POLN: variants seen among roughly 807,000 people sequenced by gnomAD.
The protein encoded by POLN is DNA polymerase nu, also known as DNA polymerase N.
In POLN, 108 loss-of-function variants were observed where a neutral mutation model predicts 113.5. The ratio of observed to expected loss-of-function variants is 0.95; its 90% CI spans 0.81 to 1.12. The LOEUF (loss-of-function observed/expected upper bound fraction) is 1.12, where lower values mean the gene tolerates loss of function less well. Ranked by LOEUF, POLN falls within the 50% of genes most tolerant of loss-of-function variation. The pLI is 0.00. For synonymous variants in POLN, 386 were observed against 391.5 expected, an observed-to-expected ratio of 0.99 and a Z score of 0.17; for missense variants, 1,097 against 1,077.1, an observed-to-expected ratio of 1.02 and a Z score of -0.26.
intron 19 of POLN, among the ~76,000 whole-genome samples, chr4:2,096,730 G>GAGAGAGAGAGAGAC (rs1361778474): frequency 6.2e-5 from 9 of 145,664 alleles, no homozygotes; most frequent in African/African-American, 2.3e-4. Flanking sequence ...GAGAGAGAGA[G>GAGAGAGAGAGAGAC]ACACACAGAG....
intron 7 of POLN, among the ~76,000 whole-genome samples, chr4:2,186,714 C>T (rs1733284078): frequency 6.6e-6 from 1 of 152,192 alleles, no homozygotes; most frequent in Admixed American, 6.5e-5. Context: ...AATAGACGTA[C>T]ATTCACAAGA....
chr4:2,229,881 CACA>C (rs571906183), intron 2 of POLN: 33 of 152,168 alleles, frequency 2.2e-4, no homozygotes, highest in African/African-American at 7.2e-4. Flanking sequence ...TACCTAGTAA[CACA>C]ACGATTATAA....
At chr4:2,120,347 A>G (rs886356315) in intron 19 of POLN, among the ~76,000 whole-genome samples, 6 of 152,192 alleles carry the variant, frequency 3.9e-5, no homozygotes, top group Non-Finnish European at 8.8e-5. Context: ...GGGAGAATTG[A>G]CATTATTTGT....
chr4:2,240,305 T>A (rs751481057), intron 2 of POLN: 21 of 1,610,046 alleles, frequency 1.3e-5, no homozygotes, highest in Admixed American at 1.7e-5. Context: ...TATACAAAGT[T>A]AATGCTGCTG....
At chr4:2,151,876 T>C (rs953328198) in intron 16 of POLN, among the ~76,000 whole-genome samples, 4 of 152,170 alleles carry the variant, frequency 2.6e-5, no homozygotes, top group Non-Finnish European at 5.9e-5. Flanking sequence ...TTTGCACAAC[T>C]GGTAGCAATG....
At chr4:2,225,103 A>G (rs1734350103) in intron 3 of POLN, among the ~76,000 whole-genome samples, 1 of 152,190 alleles carries the variant, frequency 6.6e-6, no homozygotes, top group Non-Finnish European at 1.5e-5. Flanking sequence ...ATTATGCAAC[A>G]CATGACTCTC....
intron 19 of POLN, among the ~76,000 whole-genome samples, chr4:2,124,721 G>C (rs972450893): frequency 9.9e-5 from 15 of 152,174 alleles, no homozygotes; most frequent in African/African-American, 3.6e-4. Context: ...GCAGGGCCCA[G>C]GGATGCTGCA....
Position 2,154,198 on chromosome 4 carries a change from C to CAA in POLN, c.1731+2588_1731+2589dup, listed in dbSNP as rs58879582. 1.6e-3 allele frequency among the ~76,000 whole-genome samples: 100 copies of CAA among 63,926 alleles called. 9 individuals are homozygous for CAA. The highest frequency in any genetic ancestry group is 5.7e-3 in the African/African-American group (74 of 12,914). 41.9% of individuals were successfully genotyped at this position (63,926 alleles called of 152,430 possible). ...GGGCGACAGCGAGACTCCATCTCAA[C>CAA]AAAAAAAAAAAAAAAAAAAAAAAAA... On this transcript the variant is annotated intron_variant, in intron 16 of 25. Coordinates refer to ENST00000511885, the MANE Select transcript of POLN (RefSeq NM_181808.4).
At chr4:2,098,281 T>C (rs1730844435) in intron 19 of POLN, among the ~76,000 whole-genome samples, 1 of 152,044 alleles carries the variant, frequency 6.6e-6, no homozygotes, top group Non-Finnish European at 1.5e-5. Context: ...TAGCTGGGCA[T>C]GATGATATGC....
Position 2,157,901 on chromosome 4 carries a change from A to T in POLN, c.1622T>A (p.Ile541Asn). The T allele has an allele frequency of 6.2e-7, 1 of 1,606,612 alleles. No individual in the cohort carries two copies. The highest frequency in any genetic ancestry group is 8.5e-7 in the Non-Finnish European group (1 of 1,174,672). The change falls in exon 15 of 26, where the codon ATC becomes AAC. Residue 541 changes from isoleucine to asparagine, a missense_variant. Coordinates refer to ENST00000511885, the MANE Select transcript of POLN (RefSeq NM_181808.4). ...TAATCCATCTACAAAGGTTGACTTGATCTTGTGAACCTAAGGTGGAAAGAC... is the reference window on the plus strand; with the variant it reads ...TAATCCATCTACAAAGGTTGACTTGTTCTTGTGAACCTAAGGTGGAAAGAC... ...IILEYRQVHK[I>N]KSTFVDGLLA... is the part of the protein sequence containing the mutation.
intron 20 of POLN, among the ~76,000 whole-genome samples, chr4:2,086,996 C>T (rs1368825813): frequency 6.6e-6 from 1 of 152,216 alleles, no homozygotes; most frequent in Non-Finnish European, 1.5e-5. Context: ...CTGGCCCTGG[C>T]CAGCTGATGG....
At chr4:2,072,422 G>A (rs1343167264) in intron 25 of POLN, 123 bp from the exon 26 acceptor site, 4 of 818,080 alleles carry the variant, frequency 4.9e-6, no homozygotes, top group African/African-American at 1.7e-5. Context: ...TACATGATCA[G>A]ACAGCCACAC....
intron 16 of POLN, among the ~76,000 whole-genome samples, chr4:2,141,664 G>A (rs1214402666): frequency 6.6e-6 from 1 of 152,188 alleles, no homozygotes; most frequent in Non-Finnish European, 1.5e-5. Flanking sequence ...CACCCTCCCT[G>A]TGCACCTGGC....
At position 2,128,126 on chromosome 4, in the gene POLN, G is replaced by A. The variant is rs191013817; in HGVS notation, c.1969C>T (p.Leu657=). 4.4e-6 allele frequency: 7 copies of A among 1,594,764 alleles called. No individual in the cohort carries two copies. In the South Asian group the frequency reaches 7.7e-5, roughly 18 times the overall value. Residue 657 remains leucine, a synonymous_variant, in exon 19 of 26, where the codon CTG becomes TTG. Transcript: ENST00000511885. ...ESERDDVFST[L]TSQWKDVPVE... is the part of the protein sequence containing the mutation. ...CATATATCTTACCACTGTGAAGTCAGAGTAGAAAATACATCATCTCTTTCA... is the reference window on the plus strand; with the variant it reads ...CATATATCTTACCACTGTGAAGTCAAAGTAGAAAATACATCATCTCTTTCA...
chr4:2,183,623 G>C (rs56260932), intron 7 of POLN, among the ~76,000 whole-genome samples: 6,095 of 152,178 alleles, frequency 0.04, 165 homozygotes, highest in Middle Eastern at 0.051. Flanking sequence ...CAACTCCAGA[G>C]ACAAAAAACC....
chr4:2,238,664 G>C, intron 2 of POLN: 1 of 1,612,914 alleles, frequency 6.2e-7, no homozygotes, highest in East Asian at 2.2e-5. Context: ...TTGAGAAACT[G>C]ATGGATCTGT....
intron 23 of POLN, chr4:2,076,425 C>T (rs1037107104): frequency 6.6e-6 from 1 of 152,382 alleles, no homozygotes; most frequent in African/African-American, 2.4e-5. Flanking sequence ...GCCCCCAGAC[C>T]TACTGCCAGC....
intron 2 of POLN, among the ~76,000 whole-genome samples, chr4:2,238,332 T>A (rs986524446): frequency 2.6e-5 from 4 of 151,966 alleles, no homozygotes; most frequent in South Asian, 2.1e-4. Context: ...ATATAAATAA[T>A]GATGCCTAAA....
chr4:2,108,738 T>C (rs991850258), intron 19 of POLN, among the ~76,000 whole-genome samples: 2 of 152,094 alleles, frequency 1.3e-5, no homozygotes, highest in African/African-American at 4.8e-5. Context: ...CTCTGGAACT[T>C]GGCTGCAGCT....
Sources: gnomAD v4.1 joint callset for allele counts (sites outside exome capture counted in the v4.1 genomes callset) on GRCh38, gnomAD v4.1.1 for gene constraint, MANE v1.5 for transcripts, NCBI Gene and HGNC (gene_info 2026-07-23, HGNC 2026-07-21) for gene names.